Variants in B3GALT1 observed in about 807,000 individuals in gnomAD.
B3GALT1 encodes the protein UDP-Gal:betaGlcNAc beta 1,3-galactosyltransferase, polypeptide 1.
In B3GALT1, 10 loss-of-function variants were observed where a neutral mutation model predicts 23.2. That is an observed-to-expected ratio of 0.43 (90% CI 0.27 to 0.73). The LOEUF is 0.73. B3GALT1 is among the 30% of genes least tolerant of loss of function. The pLI is 0.21. For synonymous variants in B3GALT1, 156 were observed against 141.5 expected, an observed-to-expected ratio of 1.10 and a Z score of -0.73; for missense variants, 299 against 405.4, an observed-to-expected ratio of 0.74 and a Z score of 2.25.
chr2:167,564,701 T>G (rs1684118762), intron 2 of B3GALT1, among the ~76,000 whole-genome samples: 1 of 152,102 alleles, frequency 6.6e-6, no homozygotes, highest in Non-Finnish European at 1.5e-5. Flanking sequence ...TCACAAGCAT[T>G]CTTATACACC....
At chr2:167,377,250 C>T (rs566595177) in intron 1 of B3GALT1, among the ~76,000 whole-genome samples, 2 of 152,046 alleles carry the variant, frequency 1.3e-5, no homozygotes, top group East Asian at 1.9e-4. Context: ...GCTTTAATGG[C>T]CAAGTATGTG....
At chr2:167,425,320 C>T (rs1698606883) in intron 1 of B3GALT1, among the ~76,000 whole-genome samples, 1 of 152,118 alleles carries the variant, frequency 6.6e-6, no homozygotes, top group Admixed American at 6.6e-5. Context: ...GTGTGTGACT[C>T]ATACTTTTGT....
chr2:167,381,805 TAA>T (rs1049300988), intron 1 of B3GALT1, among the ~76,000 whole-genome samples: 1 of 152,238 alleles, frequency 6.6e-6, no homozygotes, highest in African/African-American at 2.4e-5. Flanking sequence ...AAGGTTTAAA[TAA>T]AAAGTCTTTG....
intron 3 of B3GALT1, among the ~76,000 whole-genome samples, chr2:167,680,376 G>A (rs577043991): frequency 6.6e-6 from 1 of 152,142 alleles, no homozygotes; most frequent in East Asian, 1.9e-4. Flanking sequence ...TTGAAATCCA[G>A]AAATAAAGAT....
intron 1 of B3GALT1, among the ~76,000 whole-genome samples, chr2:167,397,335 T>C (rs1331379209): frequency 6.6e-6 from 1 of 152,064 alleles, no homozygotes; most frequent in Non-Finnish European, 1.5e-5. Context: ...TCTTTTTAGA[T>C]TCCTTTGAAT....
intron 2 of B3GALT1, among the ~76,000 whole-genome samples, chr2:167,526,635 A>C (rs765293044): frequency 2.6e-5 from 4 of 152,242 alleles, no homozygotes; most frequent in Non-Finnish European, 4.4e-5. Context: ...CACCTGTCTC[A>C]TAGGCACGAG....
intron 2 of B3GALT1, among the ~76,000 whole-genome samples, chr2:167,497,435 A>T (rs1699796783): frequency 6.6e-6 from 1 of 152,220 alleles, no homozygotes; most frequent in Admixed American, 6.5e-5. Flanking sequence ...GCCACATTTT[A>T]AATTTTAAAT....
Position 167,873,858 on chromosome 2 carries a change from A to G in B3GALT1, c.*3838A>G, listed in dbSNP as rs1366566445. The G allele has an allele frequency of 6.6e-6, 1 of 152,222 alleles. No individual in the cohort carries two copies. Among genetic ancestry groups the G allele is most frequent in the African/African-American group, 2.4e-5 (1 of 41,466 alleles). The allele number at this position is 152,222 out of a possible 1,614,324, so 9.4% of individuals were successfully genotyped here. A position where few individuals can be genotyped will look rare whatever the true frequency, so the allele number is the denominator to read the frequency against. Reference sequence around the variant, plus strand: ...ATCAGAATACTATTTTTTTGTATCAATGTTATAAAACTAAAAATGACAGAC... The same window carrying G: ...ATCAGAATACTATTTTTTTGTATCAGTGTTATAAAACTAAAAATGACAGAC... On this transcript the variant is annotated 3_prime_UTR_variant, in exon 5 of 5. Transcript: ENST00000392690.
chr2:167,579,541 G>A (rs80320869), intron 2 of B3GALT1, among the ~76,000 whole-genome samples: 3,062 of 146,390 alleles, frequency 0.021, 97 homozygotes, highest in African/African-American at 0.071. Flanking sequence ...ACATAGGTAT[G>A]TTTTCAAGGT....
intron 3 of B3GALT1, among the ~76,000 whole-genome samples, chr2:167,739,930 A>G (rs893004363): frequency 2.9e-5 from 3 of 103,800 alleles, no homozygotes; most frequent in African/African-American, 9.5e-5. Context: ...GTCTCTACAA[A>G]AAAACAAACA....
chr2:167,631,411 A>G (rs1160705661), intron 2 of B3GALT1: 4 of 151,854 alleles, frequency 2.6e-5, no homozygotes, highest in African/African-American at 9.7e-5. Context: ...CCCTTTTAAA[A>G]ACTCTAGATT....
intron 1 of B3GALT1, among the ~76,000 whole-genome samples, chr2:167,346,368 A>G (rs1697221447): frequency 6.6e-6 from 1 of 152,158 alleles, no homozygotes; most frequent in South Asian, 2.1e-4. Context: ...TTTACAGTAT[A>G]TATCTACTCT....
intron 1 of B3GALT1, among the ~76,000 whole-genome samples, chr2:167,440,024 T>C (rs1400150752): frequency 2.6e-5 from 4 of 152,090 alleles, no homozygotes; most frequent in Admixed American, 2.0e-4. Context: ...GATTTTTGTT[T>C]TGTTTTATTT....
intron 3 of B3GALT1, among the ~76,000 whole-genome samples, chr2:167,798,022 T>G (rs906079554): frequency 1.8e-4 from 28 of 152,212 alleles, no homozygotes; most frequent in African/African-American, 6.3e-4. Context: ...TGGTTTTGGT[T>G]TGCATTTCTC....
intron 3 of B3GALT1, among the ~76,000 whole-genome samples, chr2:167,697,280 G>A (rs1445278494): frequency 6.6e-6 from 1 of 152,206 alleles, no homozygotes; most frequent in African/African-American, 2.4e-5. Flanking sequence ...AACAAGGAGT[G>A]AATTAGCTGG....
intron 1 of B3GALT1, among the ~76,000 whole-genome samples, chr2:167,430,378 G>A (rs149241124): frequency 1.3e-5 from 2 of 152,256 alleles, no homozygotes; most frequent in Non-Finnish European, 2.9e-5. Flanking sequence ...TGACATGGGA[G>A]CCCCTGAAGA....
intron 1 of B3GALT1, among the ~76,000 whole-genome samples, chr2:167,404,827 CA>C (rs1363983508): frequency 1.3e-5 from 2 of 152,168 alleles, no homozygotes; most frequent in Non-Finnish European, 2.9e-5. Flanking sequence ...GTGTATTCCT[CA>C]GAGTTTATGA....
chr2:167,508,648 A>G (rs971268480), intron 2 of B3GALT1, among the ~76,000 whole-genome samples: 2 of 152,172 alleles, frequency 1.3e-5, no homozygotes, highest in Non-Finnish European at 2.9e-5. Context: ...CTAATACTCA[A>G]ATTTTGGAAA....
At chr2:167,563,997 G>T (rs1388900581) in intron 2 of B3GALT1, among the ~76,000 whole-genome samples, 3 of 147,706 alleles carry the variant, frequency 2.0e-5, no homozygotes, top group African/African-American at 7.5e-5. Context: ...GGCCGGACGG[G>T]GGGCCGACCC....
Sources: allele counts gnomAD v4.1 joint callset (sites outside exome capture counted in the v4.1 genomes callset), GRCh38; gene constraint gnomAD v4.1.1; transcripts MANE v1.5; gene names NCBI Gene and HGNC (gene_info 2026-07-23, HGNC 2026-07-21).